The following SH3PXD2A variants were observed in gnomAD, a reference collection of about 807,000 sequenced individuals.
SH3PXD2A encodes SH3 and PX domains 2A.
SH3PXD2A carries 32 observed loss-of-function variants against 115.2 expected under a neutral mutation model. That is an observed-to-expected ratio of 0.28 (90% CI 0.21 to 0.37). The LOEUF (loss-of-function observed/expected upper bound fraction) is 0.37. Ranked by LOEUF, SH3PXD2A falls within the 10% of genes least tolerant of loss-of-function variation. SH3PXD2A has a pLI of 1.00. For synonymous variants in SH3PXD2A, 610 were observed against 629.1 expected (o/e 0.97, Z 0.45); for missense variants, 1,328 against 1,498.7 (o/e 0.89, Z 1.88).
chr10:103,600,848 T>G lies in SH3PXD2A; in HGVS notation c.*968A>C, dbSNP rs1019119805. On this transcript the variant is annotated 3_prime_UTR_variant, in exon 15 of 15. Transcript: ENST00000369774. ...ATGTGAAACAAAAACAAAAGCAAAA[T>G]CACCCGCCCACAAGATACAACAGAA... The G allele has an allele frequency of 1.3e-5, 2 of 151,630 alleles. No homozygotes were observed. The highest frequency in any genetic ancestry group is 4.9e-5 in the African/African-American group (2 of 41,202). 9.4% of individuals were successfully genotyped at this position (151,630 alleles called of 1,614,324 possible).
intron 3 of SH3PXD2A, among the ~76,000 whole-genome samples, chr10:103,752,997 G>A (rs1239960684): frequency 6.6e-6 from 1 of 151,918 alleles, no homozygotes; most frequent in Non-Finnish European, 1.5e-5. Context: ...TTATTAAAAG[G>A]ACAACATTGA....
chr10:103,634,081 G>A (rs760386604), intron 8 of SH3PXD2A, among the ~76,000 whole-genome samples: 6 of 152,222 alleles, frequency 3.9e-5, no homozygotes, highest in Non-Finnish European at 8.8e-5. Flanking sequence ...AGGTAGGAGC[G>A]GAGGCCAGGC....
intron 1 of SH3PXD2A, among the ~76,000 whole-genome samples, chr10:103,822,987 G>C (rs534087394): frequency 2.7e-4 from 41 of 152,354 alleles, no homozygotes; most frequent in African/African-American, 9.1e-4. Context: ...ATAGGTCTCA[G>C]ACTTCGTGGG....
At chr10:103,659,004 C>T (rs2037251637) in intron 8 of SH3PXD2A, among the ~76,000 whole-genome samples, 1 of 152,236 alleles carries the variant, frequency 6.6e-6, no homozygotes, top group Non-Finnish European at 1.5e-5. Flanking sequence ...CTGGCCTGCT[C>T]TGGCCACGGG....
chr10:103,813,931 G>A (rs2039296321), intron 1 of SH3PXD2A, among the ~76,000 whole-genome samples: 1 of 150,526 alleles, frequency 6.6e-6, no homozygotes, highest in Non-Finnish European at 1.5e-5. Flanking sequence ...CCCCAGGTGG[G>A]TCTACGGGTT....
In SH3PXD2A at chr10:103,602,350, G is replaced by A; in HGVS notation, c.2868C>T (p.Gly956=). The change falls in exon 15 of 15, where the codon GGC becomes GGT. Residue 956 remains glycine, a synonymous_variant. Transcript: ENST00000369774. ...CTGGAGTGCCTGAGGTCTTGCCGAA[G>A]CCCCCGGGAGGTTTGGAGGGGATGG... ...TPPIPSKPPG[G]FGKTSGTPAV... is the part of the protein sequence containing the mutation. 1 of 1,613,576 alleles carries A rather than the reference G, an allele frequency of 6.2e-7. No individual in the cohort carries two copies. Among genetic ancestry groups the A allele is most frequent in the Non-Finnish European group, 8.5e-7 (1 of 1,179,814 alleles).
At chr10:103,667,344 A>G (rs2037396685) in intron 7 of SH3PXD2A, among the ~76,000 whole-genome samples, 1 of 152,128 alleles carries the variant, frequency 6.6e-6, no homozygotes, top group Non-Finnish European at 1.5e-5. Flanking sequence ...ATCCTACAAA[A>G]GTCCCTCTAG....
intron 5 of SH3PXD2A, among the ~76,000 whole-genome samples, chr10:103,701,553 C>T (rs1334908451): frequency 6.7e-6 from 1 of 149,582 alleles, no homozygotes; most frequent in African/African-American, 2.5e-5. Flanking sequence ...ATCCACTACC[C>T]ATCCATCATC....
In SH3PXD2A at chr10:103,695,159, G is replaced by T. The variant is rs975728907; in HGVS notation, c.399-2103C>A. Among the ~76,000 whole-genome samples the T allele has an allele frequency of 7.2e-5, 11 of 152,166 alleles. No individual in the cohort carries two copies. In the East Asian group the frequency reaches 2.1e-3, roughly 29 times the overall value. ...TCCCACAATTTTCCTGCTGGTCCTGGCAGGAGAAGCCCAGGACTGATGGCC... is the reference window on the plus strand; with the variant it reads ...TCCCACAATTTTCCTGCTGGTCCTGTCAGGAGAAGCCCAGGACTGATGGCC... On this transcript the variant is annotated intron_variant, in intron 5 of 14. Coordinates refer to ENST00000369774, the MANE Select transcript of SH3PXD2A (RefSeq NM_001394015.1).
chr10:103,777,470 C>CGGCGA, intron 2 of SH3PXD2A, among the ~76,000 whole-genome samples: 1 of 152,256 alleles, frequency 6.6e-6, no homozygotes, highest in East Asian at 1.9e-4. Flanking sequence ...CTCTGGCTTT[C>CGGCGA]CCAGCAGCTC....
At chr10:103,686,602 C>T (rs1051857159) in intron 6 of SH3PXD2A, among the ~76,000 whole-genome samples, 2 of 152,120 alleles carry the variant, frequency 1.3e-5, no homozygotes, top group Non-Finnish European at 2.9e-5. Context: ...CTCCTTGAAC[C>T]CTGTGCACTT....
At chr10:103,729,707 G>A (rs931879198) in intron 4 of SH3PXD2A, among the ~76,000 whole-genome samples, 3 of 152,240 alleles carry the variant, frequency 2.0e-5, no homozygotes, top group Non-Finnish European at 4.4e-5. Flanking sequence ...CAGATCTGCA[G>A]AAATGGCATG....
chr10:103,613,583 G>A (rs1422598941), intron 11 of SH3PXD2A, among the ~76,000 whole-genome samples: 5 of 152,200 alleles, frequency 3.3e-5, no homozygotes, highest in Non-Finnish European at 7.3e-5. Flanking sequence ...TGTGGATGTG[G>A]TATGTAGAGG....
Position 103,602,224 on chromosome 10 carries a change from C to T in SH3PXD2A, c.2994G>A (p.Arg998=). ...PKDNNLSCAL[R]RNESLTATDG... ...CAGTGGCCGTGAGTGACTCATTCCTCCGCAGGGCGCAGGACAGGTTGTTGT... is the reference window on the plus strand; with the variant it reads ...CAGTGGCCGTGAGTGACTCATTCCTTCGCAGGGCGCAGGACAGGTTGTTGT... The change falls in exon 15 of 15, where the codon CGG becomes CGA. Residue 998 remains arginine, a synonymous_variant. Coordinates refer to ENST00000369774, the MANE Select transcript of SH3PXD2A (RefSeq NM_001394015.1). The T allele has an allele frequency of 6.3e-7, 1 of 1,598,016 alleles. No individual in the cohort carries two copies. The highest frequency in any genetic ancestry group is 1.1e-5 in the South Asian group (1 of 87,998).
At chr10:103,841,452 C>G (rs55983834) in intron 1 of SH3PXD2A, among the ~76,000 whole-genome samples, 5 of 151,882 alleles carry the variant, frequency 3.3e-5, no homozygotes. Context: ...CTGTGTTTCC[C>G]CAGGAGGTCT....
intron 2 of SH3PXD2A, among the ~76,000 whole-genome samples, chr10:103,787,808 A>G (rs530416599): frequency 6.6e-6 from 1 of 152,300 alleles, no homozygotes; most frequent in Non-Finnish European, 1.5e-5. Flanking sequence ...TTTTTGAACA[A>G]GGTATACCTA....
At chr10:103,699,545 T>G (rs775039700) in intron 5 of SH3PXD2A, among the ~76,000 whole-genome samples, 4 of 152,144 alleles carry the variant, frequency 2.6e-5, no homozygotes, top group Non-Finnish European at 4.4e-5. Context: ...AGAAACCAAG[T>G]GAGGAAGGTC....
At chr10:103,801,220 G>T (rs986301040) in intron 2 of SH3PXD2A, 62 bp downstream of exon 2, 2 of 985,056 alleles carry the variant, frequency 2.0e-6, no homozygotes, top group Admixed American at 1.7e-5. Context: ...ATAAGCGAGG[G>T]TATGAGAGAG....
chr10:103,755,851 G>A (rs2038634470), intron 3 of SH3PXD2A, among the ~76,000 whole-genome samples: 1 of 152,132 alleles, frequency 6.6e-6, no homozygotes, highest in African/African-American at 2.4e-5. Context: ...TTGGGCCTGG[G>A]GAGAAACATA....
Sources: gnomAD v4.1 joint callset for allele counts (sites outside exome capture counted in the v4.1 genomes callset) on GRCh38, gnomAD v4.1.1 for gene constraint, MANE v1.5 for transcripts, NCBI Gene and HGNC (gene_info 2026-07-23, HGNC 2026-07-21) for gene names.